The following VNN2 variants were observed in gnomAD, a reference collection of about 807,000 sequenced individuals.
VNN2 encodes vanin 2.
Under a neutral mutation model 43.0 loss-of-function variants are expected in VNN2, and 43 were observed. That is an observed-to-expected ratio of 1.00 (90% CI 0.78 to 1.29). The LOEUF (loss-of-function observed/expected upper bound fraction) is 1.29. Ranked by LOEUF, VNN2 falls within the 50% of genes most tolerant of loss-of-function variation. The probability of loss-of-function intolerance (pLI) is 0.00; values close to 1 mark genes in which losing one functional copy is unlikely to be tolerated. For synonymous variants in VNN2, 230 were observed against 224.3 expected (o/e 1.03, Z -0.23); for missense variants, 652 against 619.7 (o/e 1.05, Z -0.55).
At position 132,757,562 on chromosome 6, in the gene VNN2, A is replaced by G. The variant is rs2114623653; in HGVS notation, c.214-16T>C. Reference sequence around the variant, plus strand: ...TTCGAGCACCCTGTTCAAAACAAGCAAAATAAAAATGATTTTTCCATGTAC... The same window carrying G: ...TTCGAGCACCCTGTTCAAAACAAGCGAAATAAAAATGATTTTTCCATGTAC... On this transcript the variant is annotated splice_polypyrimidine_tract_variant and intron_variant, in intron 1 of 6. Coordinates refer to ENST00000326499, the MANE Select transcript of VNN2 (RefSeq NM_004665.6). The G allele has an allele frequency of 6.2e-7, 1 of 1,611,270 alleles. No individual in the cohort carries two copies. The highest frequency in any genetic ancestry group is 8.5e-7 in the Non-Finnish European group (1 of 1,178,836).
chr6:132,751,857 G>A (rs149124760), intron 4 of VNN2, among the ~76,000 whole-genome samples: 64 of 152,264 alleles, frequency 4.2e-4, no homozygotes, highest in African/African-American at 1.5e-3. Flanking sequence ...TCCTCATTGT[G>A]GTGGTTTTCA....
rs149044859 is a variant in VNN2 at position 132,752,603 on chromosome 6, A to C, written c.684T>G (p.His228Gln). ...DPGVTLVKDF[H>Q]VDTILFPTAW... ...CTGTGGGAAACAGTATGGTGTCCAC[A>C]TGGAAATCTTTCACCAGGGTAACAC... is the stretch of plus-strand genomic sequence containing the variant. Residue 228 changes from histidine (H) to glutamine (Q), a missense_variant, in exon 4 of 7, where the codon CAT (histidine) becomes CAG (glutamine). Coordinates refer to ENST00000326499, the MANE Select transcript of VNN2 (RefSeq NM_004665.6). 9.3e-6 allele frequency: 15 copies of C among 1,614,066 alleles called. No individual in the cohort carries two copies. Among genetic ancestry groups the C allele is most frequent in the Non-Finnish European group, 1.1e-5 (13 of 1,180,038 alleles).
At chr6:132,748,356 TC>T (rs1374264652) in intron 6 of VNN2, among the ~76,000 whole-genome samples, 1 of 152,240 alleles carries the variant, frequency 6.6e-6, no homozygotes, top group African/African-American at 2.4e-5. Flanking sequence ...AGCAAAGCAT[TC>T]CTGATCTTTG....
chr6:132,752,367 C>G, intron 4 of VNN2, 94 bp downstream of exon 4: 1 of 1,431,188 alleles, frequency 7.0e-7, no homozygotes, highest in Non-Finnish European at 9.3e-7. Context: ...GTAAGAATTT[C>G]CAATAAGCAA....
At chr6:132,746,299 G>T (rs955248901) in intron 6 of VNN2, among the ~76,000 whole-genome samples, 1 of 152,220 alleles carries the variant, frequency 6.6e-6, no homozygotes, top group African/African-American at 2.4e-5. Context: ...CACAACAAGT[G>T]TGTTGAAATC....
At chr6:132,752,944 C>A in intron 3 of VNN2, 195 bp from the exon 4 acceptor site, 1 of 548,258 alleles carries the variant, frequency 1.8e-6, no homozygotes. Flanking sequence ...TCCATAGCAT[C>A]TCTCATCTCC....
chr6:132,752,327 T>G, intron 4 of VNN2, 134 bp downstream of exon 4: 1 of 1,056,920 alleles, frequency 9.5e-7, no homozygotes, highest in Non-Finnish European at 1.3e-6. Context: ...GCTAGCTTTT[T>G]TTTTCTATTG....
chr6:132,759,763 TTTC>T (rs1780696114), upstream of VNN2, among the ~76,000 whole-genome samples: 1 of 152,222 alleles, frequency 6.6e-6, no homozygotes, highest in South Asian at 2.1e-4. Flanking sequence ...AGGAATAACT[TTTC>T]TTATCTCTAT....
chr6:132,753,948 G>GC (rs1318443887), intron 3 of VNN2: 2 of 76,874 alleles, frequency 2.6e-5, no homozygotes, highest in Non-Finnish European at 4.2e-5. Flanking sequence ...GCCAGACTCT[G>GC]CCTAAAAAAA....
In VNN2 at chr6:132,749,682, A is replaced by G; in HGVS notation, c.1371+13T>C. 6.2e-7 allele frequency: 1 copy of G among 1,606,276 alleles called. No individual in the cohort carries two copies. The highest frequency in any genetic ancestry group is 8.5e-7 in the Non-Finnish European group (1 of 1,176,034). ...CATATAAAATGAAAATACTCTTATA[A>G]AAGTCCTCTTACCTCAAATTTTCCA... On this transcript the variant is annotated intron_variant, in intron 6 of 6. Transcript: ENST00000326499.
chr6:132,754,478 C>T (rs1780335062), intron 3 of VNN2, among the ~76,000 whole-genome samples: 1 of 152,080 alleles, frequency 6.6e-6, no homozygotes, highest in Non-Finnish European at 1.5e-5. Context: ...ATTGGTTTAA[C>T]ATCCCTCCTC....
At chr6:132,749,006 C>T (rs1261503000) in intron 6 of VNN2, among the ~76,000 whole-genome samples, 1 of 152,202 alleles carries the variant, frequency 6.6e-6, no homozygotes, top group East Asian at 1.9e-4. Context: ...AATCTATAAA[C>T]AAACATTCTT....
upstream of VNN2, chr6:132,758,016 TTCTTCTTCTTCTTCTTCTTCTTC>T (rs1780599121): frequency 8.8e-6 from 2 of 228,116 alleles, no homozygotes; most frequent in African/African-American, 8.8e-5. Flanking sequence ...CTTCTTCTTC[TTCTTCTTCTTCTTCTTCTTCTTC>T]TTTTTTTTTT....
At chr6:132,753,354 G>A (rs1270865991) in intron 3 of VNN2, 1 of 368,704 alleles carries the variant, frequency 2.7e-6, no homozygotes, top group Admixed American at 3.5e-5. Flanking sequence ...TAAAAAACAT[G>A]CATTATTCTT....
intron 3 of VNN2, among the ~76,000 whole-genome samples, chr6:132,755,238 ATTATTTGT>A (rs1301958699): frequency 1.3e-5 from 2 of 150,960 alleles, no homozygotes; most frequent in African/African-American, 4.9e-5. Flanking sequence ...TTATGTTAAA[ATTATTTGT>A]TTTATATGTG....
rs1055087872 is a variant in VNN2, at chr6:132,744,237, G to A, written c.*63C>T. On this transcript the variant is annotated 3_prime_UTR_variant, in exon 7 of 7. Coordinates refer to ENST00000326499, the MANE Select transcript of VNN2 (RefSeq NM_004665.6). ...CCCTTCAAAGTTTCTTAGTAAACTT[G>A]GGAAGCCGATAAACACATTCAGCCA... is the stretch of plus-strand genomic sequence containing the variant. 62 of 1,481,920 alleles carry A rather than the reference G, an allele frequency of 4.2e-5. 1 individual carries two copies. The African/African-American group carries it at 8.0e-4, about 19-fold the overall frequency. The allele number at this position is 1,481,920 out of a possible 1,614,324, so 91.8% of individuals were successfully genotyped here.
At chr6:132,750,875 A>C (rs1039267438) in intron 5 of VNN2, among the ~76,000 whole-genome samples, 5 of 152,194 alleles carry the variant, frequency 3.3e-5, no homozygotes, top group African/African-American at 4.8e-5. Flanking sequence ...TTATTAGTCA[A>C]ATCGAAACTC....
chr6:132,751,968 T>C (rs940990780), intron 4 of VNN2, among the ~76,000 whole-genome samples: 3 of 152,214 alleles, frequency 2.0e-5, no homozygotes, highest in Non-Finnish European at 2.9e-5. Context: ...TTCCAATGAA[T>C]AGAACATGGC....
rs931987847 is a variant in VNN2, at chr6:132,756,069, T to TA, written c.345-35dup. On this transcript the variant is annotated intron_variant, in intron 2 of 6. Transcript: ENST00000326499. ...AATTATAATTAAGAAATTTCAATTT[T>TA]AAAAAAATATTTTAGTCACTTTATA... 8 of 1,493,634 alleles carry TA rather than the reference T, an allele frequency of 5.4e-6. No individual in the cohort carries two copies. The African/African-American group carries it at 7.1e-5, about 13-fold the overall frequency. The allele number at this position is 1,493,634 out of a possible 1,614,324, so 92.5% of individuals were successfully genotyped here. A position where few individuals can be genotyped will look rare whatever the true frequency, so the allele number is the denominator to read the frequency against.
Sources: gnomAD v4.1 joint callset for allele counts (sites outside exome capture counted in the v4.1 genomes callset) on GRCh38, gnomAD v4.1.1 for gene constraint, MANE v1.5 for transcripts, NCBI Gene and HGNC (gene_info 2026-07-23, HGNC 2026-07-21) for gene names.